The following DPP10 variants were observed in gnomAD, a reference collection of about 807,000 sequenced individuals.
The protein encoded by DPP10 is inactive dipeptidyl peptidase 10.
DPP10 carries 33 observed loss-of-function variants against 120.9 expected under a neutral mutation model. The observed-to-expected ratio is 0.27, with a 90% CI of 0.21 to 0.37. The LOEUF (loss-of-function observed/expected upper bound fraction) is 0.37, where lower values mean the gene tolerates loss of function less well. DPP10 is among the 10% of genes least tolerant of loss of function. The pLI is 1.00. For synonymous variants in DPP10, 337 were observed against 326.1 expected (o/e 1.03, Z -0.36); for missense variants, 816 against 942.8 (o/e 0.87, Z 1.76).
chr2:115,594,700 C>T (rs1273699042), intron 5 of DPP10, among the ~76,000 whole-genome samples: 1 of 152,082 alleles, frequency 6.6e-6, no homozygotes, highest in East Asian at 1.9e-4. Context: ...AAGTTTTGTA[C>T]TCTAGCTGAT....
At chr2:114,608,208 G>A (rs1041650436) in intron 1 of DPP10, among the ~76,000 whole-genome samples, 1 of 152,030 alleles carries the variant, frequency 6.6e-6, no homozygotes, top group South Asian at 2.1e-4. Context: ...AGACAAATAC[G>A]CAGGAAATAA....
At chr2:115,594,649 A>G (rs563438532) in intron 5 of DPP10, among the ~76,000 whole-genome samples, 16 of 152,246 alleles carry the variant, frequency 1.1e-4, no homozygotes, top group African/African-American at 3.6e-4. Context: ...GCTTTCAAGC[A>G]TGCCTATCCA....
At chr2:115,381,905 C>T (rs568034485) in intron 3 of DPP10, among the ~76,000 whole-genome samples, 9 of 152,198 alleles carry the variant, frequency 5.9e-5, no homozygotes, top group African/African-American at 2.2e-4. Context: ...AGGCAGTCTG[C>T]CCGTTCTCAG....
chr2:115,696,516 T>C (rs888826803), intron 7 of DPP10, among the ~76,000 whole-genome samples: 7 of 152,212 alleles, frequency 4.6e-5, no homozygotes, highest in Admixed American at 2.6e-4. Flanking sequence ...CTGGAAAAAC[T>C]GTGTTTCAAA....
chr2:115,813,656 CTTT>C (rs1686909443), intron 19 of DPP10, among the ~76,000 whole-genome samples: 1 of 152,182 alleles, frequency 6.6e-6, no homozygotes, highest in East Asian at 1.9e-4. Flanking sequence ...CTACTTACTT[CTTT>C]ATGTCACTTA....
At chr2:114,758,112 T>C (rs1017599137) in intron 1 of DPP10, among the ~76,000 whole-genome samples, 5 of 152,226 alleles carry the variant, frequency 3.3e-5, no homozygotes, top group Non-Finnish European at 7.3e-5. Flanking sequence ...TGATGACTTT[T>C]AGATTCAGAC....
At chr2:114,762,288 G>T (rs1285878129) in intron 1 of DPP10, among the ~76,000 whole-genome samples, 1 of 152,128 alleles carries the variant, frequency 6.6e-6, no homozygotes, top group African/African-American at 2.4e-5. Context: ...CTTTTCTTCT[G>T]CTTACTCTAA....
At position 114,806,831 on chromosome 2, in the gene DPP10, T is replaced by C. The variant is rs191641650; in HGVS notation, c.60+363993T>C. Reference sequence around the variant, plus strand: ...AATCTTCCTTGATTCTCCATTTTTTTTGTTGTTTATTGAACTCTCCAGCCC... The same window carrying C: ...AATCTTCCTTGATTCTCCATTTTTTCTGTTGTTTATTGAACTCTCCAGCCC... On this transcript the variant is annotated intron_variant, in intron 1 of 25. Coordinates refer to ENST00000410059, the MANE Select transcript of DPP10 (RefSeq NM_020868.6). Among the ~76,000 whole-genome samples the C allele has an allele frequency of 4.3e-3, 657 of 152,304 alleles. 7 individuals carry two copies. Among genetic ancestry groups the C allele is most frequent in the African/African-American group, 0.015 (634 of 41,560 alleles).
In DPP10 at chr2:115,684,425, C is replaced by T. The variant is rs575379359; in HGVS notation, c.442-5262C>T. ...AAACTTGGCATCATTGTATTACTGA[C>T]TTCCAAGAGAAACCAATCCCATTTT... On this transcript the variant is annotated intron_variant, in intron 5 of 25. Transcript: ENST00000410059. Among the ~76,000 whole-genome samples, 6 of 152,006 alleles carry T rather than the reference C, an allele frequency of 3.9e-5. No homozygotes were observed. The South Asian group carries it at 1.0e-3, about 26-fold the overall frequency.
chr2:115,331,583 T>C (rs1296422299), intron 2 of DPP10, among the ~76,000 whole-genome samples: 1 of 152,166 alleles, frequency 6.6e-6, no homozygotes, highest in Admixed American at 6.6e-5. Flanking sequence ...TCTTATTATT[T>C]TGAGATATGT....
chr2:115,067,875 A>G lies in DPP10; in HGVS notation c.61-241364A>G, dbSNP rs1351479310. 1.2e-4 allele frequency among the ~76,000 whole-genome samples: 18 copies of G among 148,622 alleles called. No individual in the cohort carries two copies. The East Asian group carries it at 2.8e-3, about 23-fold the overall frequency. On this transcript the variant is annotated intron_variant, in intron 1 of 25. Coordinates refer to ENST00000410059, the MANE Select transcript of DPP10 (RefSeq NM_020868.6). The stretch of plus-strand genomic sequence containing the variant: ...AGACTCTGTCTCAAAAAAAAAAAAA[A>G]AAAAAGAAAAAAAAGAAAAATATTC...
At chr2:115,461,871 G>C (rs2074006759) in intron 3 of DPP10, among the ~76,000 whole-genome samples, 1 of 151,984 alleles carries the variant, frequency 6.6e-6, no homozygotes, top group African/African-American at 2.4e-5. Flanking sequence ...TTAATTCCAG[G>C]CTTGCTCTTT....
chr2:115,117,089 A>G (rs548269152), intron 1 of DPP10, among the ~76,000 whole-genome samples: 16 of 152,294 alleles, frequency 1.1e-4, no homozygotes, highest in African/African-American at 3.8e-4. Flanking sequence ...TCTGTGAGAA[A>G]AACTCGTACA....
chr2:114,612,259 T>C (rs1693339455), intron 1 of DPP10, among the ~76,000 whole-genome samples: 1 of 152,144 alleles, frequency 6.6e-6, no homozygotes, highest in Non-Finnish European at 1.5e-5. Context: ...TCATGGGATT[T>C]TCTCCTGACA....
chr2:115,791,423 C>A, intron 19 of DPP10, 67 bp downstream of exon 19: 4 of 1,374,488 alleles, frequency 2.9e-6, no homozygotes, highest in Non-Finnish European at 2.0e-6. Context: ...TCTCACATGA[C>A]AACATTTGAT....
intron 1 of DPP10, among the ~76,000 whole-genome samples, chr2:114,995,693 G>T (rs1423274963): frequency 1.3e-5 from 2 of 152,076 alleles, no homozygotes; most frequent in African/African-American, 4.8e-5. Context: ...GTTTTAGAGT[G>T]GGGGGAACCA....
At chr2:115,506,354 G>T (rs1032702620) in intron 4 of DPP10, among the ~76,000 whole-genome samples, 3 of 152,048 alleles carry the variant, frequency 2.0e-5, no homozygotes, top group African/African-American at 4.8e-5. Flanking sequence ...GAGCTAGAAA[G>T]CATTTTCCCT....
intron 1 of DPP10, among the ~76,000 whole-genome samples, chr2:114,919,727 A>G (rs959293524): frequency 1.3e-5 from 2 of 152,178 alleles, no homozygotes; most frequent in African/African-American, 4.8e-5. Flanking sequence ...AACTATTACA[A>G]TCAACTATTA....
intron 5 of DPP10, among the ~76,000 whole-genome samples, chr2:115,634,676 TCTC>T (rs1467398458): frequency 6.6e-6 from 1 of 152,110 alleles, no homozygotes; most frequent in East Asian, 1.9e-4. Flanking sequence ...AATTGAGGGT[TCTC>T]CTCCAGTCAG....
Sources: allele counts gnomAD v4.1 joint callset (sites outside exome capture counted in the v4.1 genomes callset), GRCh38; gene constraint gnomAD v4.1.1; transcripts MANE v1.5; gene names NCBI Gene and HGNC (gene_info 2026-07-23, HGNC 2026-07-21).